Variants in AHRR observed in about 807,000 individuals in gnomAD.
The protein encoded by AHRR is ahR repressor.
Under a neutral mutation model 44.0 loss-of-function variants are expected in AHRR, and 28 were observed. The observed-to-expected ratio is 0.64, with a 90% CI of 0.47 to 0.87. AHRR has a LOEUF of 0.87. Ranked by LOEUF, AHRR falls within the 40% of genes least tolerant of loss-of-function variation. The pLI is 0.00. For missense variants in AHRR, 990 were observed against 953.9 expected (o/e 1.04, Z -0.50); for synonymous variants, 434 against 407.0 (o/e 1.07, Z -0.80).
intron 2 of AHRR, among the ~76,000 whole-genome samples, chr5:351,877 C>G (rs1329464212): frequency 3.3e-5 from 5 of 152,238 alleles, no homozygotes; most frequent in Non-Finnish European, 7.3e-5. Context: ...TTCAGACTTA[C>G]AGCTTGCACG....
chr5:364,360 G>T (rs1279510445), intron 3 of AHRR, among the ~76,000 whole-genome samples: 1 of 152,104 alleles, frequency 6.6e-6, no homozygotes, highest in Non-Finnish European at 1.5e-5. Flanking sequence ...AACACCTTGT[G>T]TAAAATAATA....
chr5:407,100 G>A (rs1440258530), intron 4 of AHRR, among the ~76,000 whole-genome samples: 1 of 152,210 alleles, frequency 6.6e-6, no homozygotes, highest in East Asian at 1.9e-4. Flanking sequence ...TTTCTTAGAT[G>A]TTTAATAAGA....
Position 414,137 on chromosome 5 carries a change from C to CATG in AHRR, c.441+704_441+705insATG, listed in dbSNP as rs1735598994. Among the ~76,000 whole-genome samples the CATG allele has an allele frequency of 2.0e-5, 3 of 152,180 alleles. No homozygotes were observed. In the South Asian group the frequency reaches 6.2e-4, roughly 32 times the overall value. On this transcript the variant is annotated intron_variant, in intron 5 of 10. Coordinates refer to ENST00000684583, the MANE Select transcript of AHRR (RefSeq NM_001377236.1). ...AATTAGCTGGGTGTGGTGGCGTGCA[C>CATG]CCGTAGTCCCAGCTACTAGGGAGGC... is the stretch of plus-strand genomic sequence containing the variant.
chr5:355,552 A>G (rs1743010746), intron 3 of AHRR, among the ~76,000 whole-genome samples: 1 of 152,024 alleles, frequency 6.6e-6, no homozygotes, highest in South Asian at 2.1e-4. Flanking sequence ...AGGAGAGGCC[A>G]GGTCATTTCC....
At position 383,474 on chromosome 5, in the gene AHRR, G is replaced by A. The variant is rs372783244; in HGVS notation, c.351+6758G>A. Among the ~76,000 whole-genome samples the A allele has an allele frequency of 6.6e-6, 1 of 152,018 alleles. No individual in the cohort carries two copies. The highest frequency in any genetic ancestry group is 2.4e-5 in the African/African-American group (1 of 41,410). On this transcript the variant is annotated intron_variant, in intron 4 of 10. Transcript: ENST00000684583. The surrounding 1 kb of genome is among the most constrained non-coding windows in gnomAD (Gnocchi z 4.0). ...TGTGTTTTCTTCATGAATTGACCCTGTATGTAAAATGCCTCCTTATTCCTG... is the reference window on the plus strand; with the variant it reads ...TGTGTTTTCTTCATGAATTGACCCTATATGTAAAATGCCTCCTTATTCCTG...
At chr5:415,599 A>ACCTGCCTGG in intron 5 of AHRR, among the ~76,000 whole-genome samples, 1 of 107,080 alleles carries the variant, frequency 9.3e-6, no homozygotes, top group Non-Finnish European at 1.9e-5. Flanking sequence ...TAGGGGCCGA[A>ACCTGCCTGG]TCTGCCTGGT....
rs945060864 is a variant in AHRR at position 337,770 on chromosome 5, G to A, written c.-10-6123G>A. On this transcript the variant is annotated intron_variant, in intron 1 of 10. Transcript: ENST00000684583. The surrounding 1 kb of genome is among the most constrained non-coding windows in gnomAD (Gnocchi z 4.1). The stretch of plus-strand genomic sequence containing the variant: ...GGCTCCCTTCCCAAAGCTGGGGCTC[G>A]GGCCTCATTGGAGGAGGTGTAGGTT... 3.9e-5 allele frequency among the ~76,000 whole-genome samples: 6 copies of A among 152,228 alleles called. No homozygotes were observed. The South Asian group carries it at 6.2e-4, about 16-fold the overall frequency.
Position 406,542 on chromosome 5 carries a change from G to A in AHRR, c.352-6802G>A, listed in dbSNP as rs1305371454. 6.6e-6 allele frequency among the ~76,000 whole-genome samples: 1 copy of A among 152,186 alleles called. No individual in the cohort carries two copies. The highest frequency in any genetic ancestry group is 1.5e-5 in the Non-Finnish European group (1 of 68,026). On this transcript the variant is annotated intron_variant, in intron 4 of 10. Coordinates refer to ENST00000684583, the MANE Select transcript of AHRR (RefSeq NM_001377236.1). The surrounding 1 kb of genome is among the most constrained non-coding windows in gnomAD (Gnocchi z 4.7). The stretch of plus-strand genomic sequence containing the variant: ...TCTTAGAAGGAAATTTCAGGAAAAC[G>A]TTAAGAAACAGAAAATACTCAAGCT...
intron 3 of AHRR, 133 bp from the exon 4 acceptor site, chr5:376,477 T>C (rs1281744540): frequency 1.7e-4 from 4 of 24,024 alleles, no homozygotes; most frequent in East Asian, 6.3e-4. Context: ...TGCAGAGGGG[T>C]CAGTGCAGCC....
chr5:329,591 G>A (rs540686990), intron 1 of AHRR, among the ~76,000 whole-genome samples: 2 of 152,350 alleles, frequency 1.3e-5, no homozygotes, highest in East Asian at 1.9e-4. Flanking sequence ...CTTGGGCAGT[G>A]TGGTCATTTT....
intron 5 of AHRR, among the ~76,000 whole-genome samples, chr5:418,105 A>C (rs1735907298): frequency 6.6e-6 from 1 of 152,252 alleles, no homozygotes; most frequent in Non-Finnish European, 1.5e-5. Flanking sequence ...GCTTTTGCAC[A>C]AAAAGGTAAA....
At chr5:408,173 A>G (rs760711948) in intron 4 of AHRR, among the ~76,000 whole-genome samples, 1 of 152,254 alleles carries the variant, frequency 6.6e-6, no homozygotes, top group Non-Finnish European at 1.5e-5. Context: ...TCTGTTTACA[A>G]AAGCAAGTGG....
intron 1 of AHRR, among the ~76,000 whole-genome samples, chr5:330,370 T>C (rs1270692599): frequency 6.6e-6 from 1 of 152,168 alleles, no homozygotes; most frequent in East Asian, 1.9e-4. Flanking sequence ...AGTTAGTTAA[T>C]ATTTTGTTGA....
chr5:368,015 T>G (rs975134428), intron 3 of AHRR: 1 of 686,322 alleles, frequency 1.5e-6, no homozygotes, highest in South Asian at 1.5e-5. Flanking sequence ...GCAATGGTGA[T>G]TCACAGGCAG....
In AHRR at chr5:424,389, G is replaced by GT. The variant is rs1422576584; in HGVS notation, c.708+413dup. ...GGGGGTGTTAACCCATGTGTCCCTG[G>GT]TGGGGGGGCGAGGGCCGGTGCTGAG... On this transcript the variant is annotated intron_variant, in intron 7 of 10. Coordinates refer to ENST00000684583, the MANE Select transcript of AHRR (RefSeq NM_001377236.1). Among the ~76,000 whole-genome samples the GT allele has an allele frequency of 2.7e-5, 3 of 110,060 alleles. No individual in the cohort carries two copies. The East Asian group carries it at 7.3e-4, about 27-fold the overall frequency. 72.2% of individuals were successfully genotyped at this position (110,060 alleles called of 152,430 possible). A position where few individuals can be genotyped will look rare whatever the true frequency, so the allele number is the denominator to read the frequency against.
chr5:391,867 C>G (rs371684821), intron 4 of AHRR, among the ~76,000 whole-genome samples: 3 of 33,296 alleles, frequency 9.0e-5, no homozygotes, highest in Non-Finnish European at 9.6e-5. Context: ...CGTGCACGGG[C>G]GCAGGGCGAG....
intron 5 of AHRR, among the ~76,000 whole-genome samples, chr5:413,701 T>C (rs1261109195): frequency 6.6e-6 from 1 of 152,192 alleles, no homozygotes; most frequent in African/African-American, 2.4e-5. Flanking sequence ...CATGGTCTCC[T>C]CTGGCTCAGG....
rs113203478 is a variant in AHRR, at chr5:397,603, C to T, written c.352-15741C>T. On this transcript the variant is annotated intron_variant, in intron 4 of 10. Transcript: ENST00000684583. ...ATCCCTGTTAGCCCCTGACCATCCA[C>T]GTAGCTCCTGACCATCCATGTTAGC... Among the ~76,000 whole-genome samples, 94 of 64,960 alleles carry T rather than the reference C, an allele frequency of 1.4e-3. 1 individual carries two copies. Among genetic ancestry groups the T allele is most frequent in the Non-Finnish European group, 2.2e-3 (76 of 34,778 alleles). 42.6% of individuals were successfully genotyped at this position (64,960 alleles called of 152,430 possible). A position where few individuals can be genotyped will look rare whatever the true frequency, so the allele number is the denominator to read the frequency against.
intron 4 of AHRR, among the ~76,000 whole-genome samples, chr5:396,147 C>T (rs946446527): frequency 2.6e-5 from 4 of 152,182 alleles, no homozygotes; most frequent in Non-Finnish European, 1.5e-5. Context: ...GACAAGGCGG[C>T]AACCCAGACA....
Sources: gnomAD v4.1 joint callset for allele counts (sites outside exome capture counted in the v4.1 genomes callset) on GRCh38, gnomAD v4.1.1 for gene constraint, Gnocchi (gnomAD v3.1) non-coding constraint, MANE v1.5 for transcripts, NCBI Gene and HGNC (gene_info 2026-07-23, HGNC 2026-07-21) for gene names.